ADTRP: variants seen among roughly 807,000 people sequenced by gnomAD.
The protein encoded by ADTRP is androgen-dependent TFPI-regulating protein.
In ADTRP, 20 loss-of-function variants were observed where a neutral mutation model predicts 27.0. The observed-to-expected ratio is 0.74, with a 90% CI of 0.52 to 1.08. The LOEUF is 1.08. Among genes scored for constraint, ADTRP ranks in the 50% least tolerant of loss-of-function variants. The pLI is 0.00. For missense variants in ADTRP, 251 were observed against 275.0 expected (o/e 0.91, Z 0.62); for synonymous variants, 101 against 105.2 (o/e 0.96, Z 0.25).
intron 5 of ADTRP, among the ~76,000 whole-genome samples, chr6:11,718,473 G>A (rs914951630): frequency 3.3e-5 from 5 of 152,188 alleles, no homozygotes; most frequent in Admixed American, 1.3e-4. Flanking sequence ...AGCACATAAG[G>A]GGCAGAGAAG....
At chr6:11,722,841 C>T (rs1762060784) in intron 5 of ADTRP, among the ~76,000 whole-genome samples, 1 of 152,112 alleles carries the variant, frequency 6.6e-6, no homozygotes, top group Admixed American at 6.5e-5. Context: ...GATGTGATTT[C>T]ATCTGGTAAA....
intron 3 of ADTRP, among the ~76,000 whole-genome samples, chr6:11,762,979 T>C (rs1763441309): frequency 6.6e-6 from 1 of 152,230 alleles, no homozygotes; most frequent in African/African-American, 2.4e-5. Flanking sequence ...AGTTAATGTT[T>C]TCCTGGCAAA....
chr6:11,771,011 C>A (rs1302903319), intron 1 of ADTRP, among the ~76,000 whole-genome samples: 2 of 152,226 alleles, frequency 1.3e-5, no homozygotes, highest in East Asian at 3.9e-4. Flanking sequence ...TCCATGTGAC[C>A]TGCTTTCCTC....
At chr6:11,714,774 C>T (rs1332547145) in intron 5 of ADTRP, among the ~76,000 whole-genome samples, 1 of 152,214 alleles carries the variant, frequency 6.6e-6, no homozygotes, top group Non-Finnish European at 1.5e-5. Flanking sequence ...AGGTACTCTG[C>T]ATAGCTAAGA....
rs563865503 is a variant in ADTRP at position 11,716,842 on chromosome 6, G to A, written c.659-2330C>T. On this transcript the variant is annotated intron_variant, in intron 5 of 5. Transcript: ENST00000414691. ...TGTTTCTCCCACCTCTCAGCCTCCCGAGTAGCTGGGACTACAGGTGTGCGC... is the reference window on the plus strand; with the variant it reads ...TGTTTCTCCCACCTCTCAGCCTCCCAAGTAGCTGGGACTACAGGTGTGCGC... Among the ~76,000 whole-genome samples the A allele has an allele frequency of 1.1e-4, 17 of 148,542 alleles. No homozygotes were observed. In the East Asian group the frequency reaches 1.6e-3, roughly 14 times the overall value.
intron 4 of ADTRP, among the ~76,000 whole-genome samples, chr6:11,732,973 G>C (rs1762434358): frequency 6.6e-6 from 1 of 152,202 alleles, no homozygotes; most frequent in Non-Finnish European, 1.5e-5. Flanking sequence ...ACTGGATTTG[G>C]AGAGAGGAGA....
intron 3 of ADTRP, among the ~76,000 whole-genome samples, chr6:11,751,048 G>A (rs1763030113): frequency 1.3e-5 from 2 of 152,154 alleles, no homozygotes; most frequent in Admixed American, 6.5e-5. Flanking sequence ...GATGGGCTTC[G>A]CCATGTTGCC....
chr6:11,714,304 G>C lies in ADTRP; in HGVS notation c.*174C>G. On this transcript the variant is annotated 3_prime_UTR_variant, in exon 6 of 6. Transcript: ENST00000414691. Reference sequence around the variant, plus strand: ...TGCAGTCAACCTTTCAAAAAACCAAGAGTTCTCAAGTTAAGCTACCTTCAC... The same window carrying C: ...TGCAGTCAACCTTTCAAAAAACCAACAGTTCTCAAGTTAAGCTACCTTCAC... 1 of 680,226 alleles carries C rather than the reference G, an allele frequency of 1.5e-6. No individual in the cohort carries two copies. Among genetic ancestry groups the C allele is most frequent in the South Asian group, 1.9e-5 (1 of 52,486 alleles). The allele number at this position is 680,226 out of a possible 1,614,324, so 42.1% of individuals were successfully genotyped here.
At chr6:11,737,811 G>A (rs1762595561) in intron 3 of ADTRP, among the ~76,000 whole-genome samples, 1 of 151,740 alleles carries the variant, frequency 6.6e-6, no homozygotes, top group Admixed American at 6.6e-5. Flanking sequence ...GCTCAAGGTT[G>A]GTCCTGAACA....
intron 3 of ADTRP, among the ~76,000 whole-genome samples, chr6:11,757,604 G>A (rs1763254835): frequency 6.6e-6 from 1 of 152,140 alleles, no homozygotes; most frequent in Admixed American, 6.5e-5. Context: ...TGGAGTAGGG[G>A]ACCTTAAACC....
chr6:11,739,509 C>CA (rs1762652782), intron 3 of ADTRP, among the ~76,000 whole-genome samples: 1 of 152,176 alleles, frequency 6.6e-6, no homozygotes, highest in South Asian at 2.1e-4. Flanking sequence ...GTGAGAACTA[C>CA]AAGCATGAAG....
At chr6:11,733,189 T>C (rs944179575) in intron 4 of ADTRP, among the ~76,000 whole-genome samples, 8 of 152,234 alleles carry the variant, frequency 5.3e-5, no homozygotes, top group Admixed American at 3.9e-4. Context: ...CTCCCCTGAG[T>C]TACCAGCAAT....
chr6:11,770,803 C>A (rs1026975253), intron 1 of ADTRP, among the ~76,000 whole-genome samples: 2 of 152,154 alleles, frequency 1.3e-5, no homozygotes, highest in Admixed American at 1.3e-4. Flanking sequence ...CCAGTAGCCT[C>A]GCCTCACCCT....
chr6:11,770,360 A>T (rs190253084), intron 1 of ADTRP, among the ~76,000 whole-genome samples: 46 of 152,302 alleles, frequency 3.0e-4, no homozygotes, highest in African/African-American at 1.0e-3. Flanking sequence ...CCGTTTGGAA[A>T]TTCAGACCCT....
intron 1 of ADTRP, among the ~76,000 whole-genome samples, chr6:11,769,474 A>G (rs1436121501): frequency 6.6e-6 from 1 of 152,122 alleles, no homozygotes; most frequent in Non-Finnish European, 1.5e-5. Context: ...TACACCCATC[A>G]CCCAGGAGCT....
chr6:11,755,352 C>A (rs1180623378), intron 3 of ADTRP, among the ~76,000 whole-genome samples: 2 of 152,010 alleles, frequency 1.3e-5, no homozygotes, highest in Non-Finnish European at 2.9e-5. Context: ...TACTCTTGAG[C>A]ATACATTGGA....
chr6:11,772,335 A>C (rs1763810814), intron 1 of ADTRP, among the ~76,000 whole-genome samples: 1 of 152,236 alleles, frequency 6.6e-6, no homozygotes, highest in Non-Finnish European at 1.5e-5. Context: ...TAACTAATGC[A>C]ATTCAAAAAA....
At chr6:11,766,765 G>A (rs371831319) in intron 2 of ADTRP, among the ~76,000 whole-genome samples, 3 of 152,124 alleles carry the variant, frequency 2.0e-5, no homozygotes, top group Non-Finnish European at 2.9e-5. Flanking sequence ...AGTCATACAC[G>A]TTCCTTGTCC....
intron 3 of ADTRP, among the ~76,000 whole-genome samples, chr6:11,757,403 C>T (rs1490855811): frequency 5.3e-5 from 8 of 152,204 alleles, no homozygotes; most frequent in Admixed American, 4.6e-4. Flanking sequence ...AGCATTCATG[C>T]CCTTCAATAT....
Sources: gnomAD v4.1 joint callset for allele counts (sites outside exome capture counted in the v4.1 genomes callset) on GRCh38, gnomAD v4.1.1 for gene constraint, MANE v1.5 for transcripts, NCBI Gene and HGNC (gene_info 2026-07-23, HGNC 2026-07-21) for gene names.